Variants in ZNF609 observed in about 807,000 individuals in gnomAD.
ZNF609 encodes zinc finger protein 609.
Under a neutral mutation model 109.5 loss-of-function variants are expected in ZNF609, and 11 were observed. The observed-to-expected ratio is 0.10, with a 90% CI of 0.06 to 0.17. The LOEUF (loss-of-function observed/expected upper bound fraction) is 0.17, where lower values mean the gene tolerates loss of function less well. Ranked by LOEUF, ZNF609 falls within the 10% of genes least tolerant of loss-of-function variation. ZNF609 has a pLI of 1.00. For missense variants in ZNF609, 1,559 were observed against 1,772.4 expected (o/e 0.88, Z 2.16); for synonymous variants, 646 against 662.0 (o/e 0.98, Z 0.37).
At chr15:64,663,126 G>C (rs1381915743) in intron 3 of ZNF609, among the ~76,000 whole-genome samples, 2 of 152,144 alleles carry the variant, frequency 1.3e-5, no homozygotes, top group Admixed American at 6.5e-5. Flanking sequence ...TCTGGTCTCT[G>C]TGTTGAGAAC....
At chr15:64,653,247 C>T (rs1248304779) in intron 3 of ZNF609, among the ~76,000 whole-genome samples, 1 of 152,136 alleles carries the variant, frequency 6.6e-6, no homozygotes, top group Admixed American at 6.6e-5. Context: ...TATTCATTAC[C>T]CTATGCATCT....
At chr15:64,546,852 G>A (rs1294844889) in intron 2 of ZNF609, among the ~76,000 whole-genome samples, 2 of 145,694 alleles carry the variant, frequency 1.4e-5, no homozygotes, top group Admixed American at 7.0e-5. Flanking sequence ...GTGCAGTGGC[G>A]TGATCCCGGC....
intron 4 of ZNF609, among the ~76,000 whole-genome samples, chr15:64,672,630 A>C (rs148193755): frequency 3.0e-4 from 44 of 148,170 alleles, no homozygotes; most frequent in Admixed American, 3.0e-3. Flanking sequence ...ATCTCAAAAA[A>C]AAAAAAAGAC....
intron 3 of ZNF609, among the ~76,000 whole-genome samples, chr15:64,648,790 G>C (rs9672945): frequency 0.11 from 15,798 of 147,632 alleles, 1,581 homozygotes; most frequent in African/African-American, 0.27. Flanking sequence ...AACCAAATAT[G>C]TAACCCGTTG....
rs530407296 is a variant in ZNF609 at position 64,663,384 on chromosome 15, G to C, written c.974-6962G>C. On this transcript the variant is annotated intron_variant, in intron 3 of 9. Transcript: ENST00000326648. ...TGTACACATGCCATTACCTCAGATA[G>C]GGAGAATTCAGAGCAAGTTGTTTTT... Among the ~76,000 whole-genome samples, 20 of 152,288 alleles carry C rather than the reference G, an allele frequency of 1.3e-4. No homozygotes were observed. The East Asian group carries it at 1.9e-3, about 15-fold the overall frequency.
In ZNF609 at chr15:64,684,776, A is replaced by G. The variant is rs2083231445; in HGVS notation, c.*3090A>G. The G allele has an allele frequency of 6.5e-6, 1 of 152,714 alleles. No individual in the cohort carries two copies. The highest frequency in any genetic ancestry group is 1.5e-5 in the Non-Finnish European group (1 of 68,080). The allele number at this position is 152,714 out of a possible 1,614,324, so 9.5% of individuals were successfully genotyped here. A position where few individuals can be genotyped will look rare whatever the true frequency, so the allele number is the denominator to read the frequency against. On this transcript the variant is annotated 3_prime_UTR_variant, in exon 10 of 10. Coordinates refer to ENST00000326648, the MANE Select transcript of ZNF609 (RefSeq NM_015042.2). ...AGGCCACCCATGTCACTTATCCCGT[A>G]TACCCTCTCACCATCCCCTTGTCTA...
chr15:64,571,956 C>G (rs1567017616), intron 2 of ZNF609, among the ~76,000 whole-genome samples: 1 of 152,112 alleles, frequency 6.6e-6, no homozygotes, highest in African/African-American at 2.4e-5. Flanking sequence ...GGCCTTGAGT[C>G]TTTGTTTGGT....
At chr15:64,552,609 C>T (rs920361697) in intron 2 of ZNF609, among the ~76,000 whole-genome samples, 16 of 152,070 alleles carry the variant, frequency 1.1e-4, no homozygotes, top group Non-Finnish European at 2.4e-4. Context: ...CTGCTTCGGC[C>T]TCCCAAAATG....
intron 2 of ZNF609, among the ~76,000 whole-genome samples, chr15:64,557,916 C>A (rs1303969013): frequency 6.6e-6 from 1 of 152,056 alleles, no homozygotes. Context: ...GATCTCCTGA[C>A]CTCGTGATCC....
chr15:64,654,344 C>T (rs1200825149), intron 3 of ZNF609: 1 of 152,150 alleles, frequency 6.6e-6, no homozygotes, highest in Non-Finnish European at 1.5e-5. Flanking sequence ...GCCATCAGTT[C>T]AATTAAATCT....
intron 2 of ZNF609, among the ~76,000 whole-genome samples, chr15:64,571,150 T>G (rs887932926): frequency 2.6e-5 from 4 of 152,170 alleles, no homozygotes; most frequent in African/African-American, 9.7e-5. Context: ...GATAACAAAT[T>G]CCTTCTGTAG....
chr15:64,669,060 A>G (rs1344027736), intron 3 of ZNF609, among the ~76,000 whole-genome samples: 1 of 152,010 alleles, frequency 6.6e-6, no homozygotes, highest in Non-Finnish European at 1.5e-5. Flanking sequence ...TGAGAACATC[A>G]TGTTGCCAAA....
intron 1 of ZNF609, among the ~76,000 whole-genome samples, chr15:64,498,065 G>C (rs1893509330): frequency 6.6e-6 from 1 of 151,942 alleles, no homozygotes; most frequent in Admixed American, 6.6e-5. Flanking sequence ...TCAGGAGATA[G>C]TGGAGACAGA....
intron 2 of ZNF609, among the ~76,000 whole-genome samples, chr15:64,596,175 T>C (rs1429294402): frequency 6.6e-6 from 1 of 151,750 alleles, no homozygotes; most frequent in Non-Finnish European, 1.5e-5. Context: ...CTTTTGGAGA[T>C]GGAGTCTCGC....
intron 1 of ZNF609, among the ~76,000 whole-genome samples, chr15:64,470,086 C>T (rs1033710423): frequency 1.3e-5 from 2 of 152,038 alleles, no homozygotes; most frequent in African/African-American, 4.8e-5. Context: ...GTGTTTTGTT[C>T]GGAAAATAAA....
At chr15:64,534,392 G>GCAA (rs1316989052) in intron 2 of ZNF609, among the ~76,000 whole-genome samples, 1 of 151,624 alleles carries the variant, frequency 6.6e-6, no homozygotes, top group Non-Finnish European at 1.5e-5. Context: ...GCCCACTGCT[G>GCAA]CAACCTCCGC....
intron 3 of ZNF609, among the ~76,000 whole-genome samples, chr15:64,651,129 G>A (rs1896410167): frequency 6.6e-6 from 1 of 151,988 alleles, no homozygotes; most frequent in Admixed American, 6.6e-5. Context: ...ATATACACAT[G>A]AACATCTTAA....
At chr15:64,516,818 T>C (rs533457166) in intron 2 of ZNF609, among the ~76,000 whole-genome samples, 13 of 152,316 alleles carry the variant, frequency 8.5e-5, no homozygotes, top group South Asian at 2.1e-4. Flanking sequence ...ATCCTTCTTA[T>C]GTGTTTCTGT....
At chr15:64,628,331 G>A (rs1896005901) in intron 3 of ZNF609, among the ~76,000 whole-genome samples, 1 of 151,678 alleles carries the variant, frequency 6.6e-6, no homozygotes, top group Non-Finnish European at 1.5e-5. Flanking sequence ...TAATCAGCAT[G>A]GATCCAACAC....
Sources: gnomAD v4.1 joint callset for allele counts (sites outside exome capture counted in the v4.1 genomes callset) on GRCh38, gnomAD v4.1.1 for gene constraint, MANE v1.5 for transcripts, NCBI Gene and HGNC (gene_info 2026-07-23, HGNC 2026-07-21) for gene names.